The following SLC22A3 variants were observed in gnomAD, a reference collection of about 807,000 sequenced individuals.
SLC22A3 encodes the protein solute carrier family 22 member 3.
In SLC22A3, 51 loss-of-function variants were observed where a neutral mutation model predicts 59.1. The observed-to-expected ratio is 0.86, with a 90% CI of 0.69 to 1.09. SLC22A3 has a LOEUF of 1.09. Ranked by LOEUF, SLC22A3 falls within the 50% of genes least tolerant of loss-of-function variation. SLC22A3 has a pLI of 0.00. For missense variants in SLC22A3, 711 were observed against 726.3 expected (o/e 0.98, Z 0.24); for synonymous variants, 325 against 292.0 (o/e 1.11, Z -1.15).
At chr6:160,428,393 C>A (rs1788039796) in intron 5 of SLC22A3, among the ~76,000 whole-genome samples, 1 of 152,232 alleles carries the variant, frequency 6.6e-6, no homozygotes, top group Admixed American at 6.5e-5. Flanking sequence ...GGTGACCAGA[C>A]TCGCTCAGTG....
rs1294980270 is a variant in SLC22A3 at position 160,408,863 on chromosome 6, T to C, written c.799T>C (p.Trp267Arg). 6.2e-7 allele frequency: 1 copy of C among 1,613,868 alleles called. No individual in the cohort carries two copies. The highest frequency in any genetic ancestry group is 1.1e-5 in the South Asian group (1 of 91,070). Residue 267 changes from tryptophan to arginine, a missense_variant, in exon 4 of 11, where the codon TGG becomes CGG. Transcript: ENST00000275300. ...TGGAATTGCCTACTTCATCCCCAAC[T>C]GGCAAGGAATCCAGTTAGCCATCAC... ...LPGIAYFIPNWQGIQLAITLP... is the reference protein window; with the variant it reads ...LPGIAYFIPNRQGIQLAITLP...
At chr6:160,450,928 A>T in intron 10 of SLC22A3, 68 bp from the exon 11 acceptor site, 1 of 1,418,906 alleles carries the variant, frequency 7.0e-7, no homozygotes, top group South Asian at 1.2e-5. Flanking sequence ...CTATTAAATA[A>T]TAACAGAACA....
At chr6:160,381,976 A>G (rs567856959) in intron 1 of SLC22A3, among the ~76,000 whole-genome samples, 62 of 152,318 alleles carry the variant, frequency 4.1e-4, no homozygotes, top group Non-Finnish European at 6.9e-4. Flanking sequence ...AATAAAATAA[A>G]TCATTTATTT....
intron 1 of SLC22A3, among the ~76,000 whole-genome samples, chr6:160,378,992 G>A (rs970748177): frequency 1.3e-5 from 2 of 152,074 alleles, no homozygotes; most frequent in East Asian, 1.9e-4. Context: ...TTATTAAGTC[G>A]AAAATCGCCA....
intron 1 of SLC22A3, among the ~76,000 whole-genome samples, chr6:160,392,284 C>T (rs75225513): frequency 0.024 from 3,696 of 152,294 alleles, 148 homozygotes; most frequent in Middle Eastern, 0.11. Context: ...TTGATTTCTA[C>T]CTAAATCCAG....
chr6:160,420,966 C>T (rs145144599), intron 5 of SLC22A3, among the ~76,000 whole-genome samples: 35 of 152,302 alleles, frequency 2.3e-4, no homozygotes, highest in Non-Finnish European at 4.0e-4. Flanking sequence ...CCCCTTCCTC[C>T]GCAGAGCCTC....
chr6:160,372,946 C>G (rs1435402639), intron 1 of SLC22A3, among the ~76,000 whole-genome samples: 3 of 152,106 alleles, frequency 2.0e-5, no homozygotes, highest in Admixed American at 6.5e-5. Context: ...TTAGAACATG[C>G]TCCTTTAGCT....
At chr6:160,392,507 C>A (rs1212604012) in intron 1 of SLC22A3, among the ~76,000 whole-genome samples, 1 of 152,222 alleles carries the variant, frequency 6.6e-6, no homozygotes, top group Non-Finnish European at 1.5e-5. Context: ...TGTGTATATG[C>A]CTGGTATTCC....
In SLC22A3 at chr6:160,443,732, G is replaced by A. The variant is rs143468372; in HGVS notation, c.1500G>A (p.Leu500=). 4.4e-6 allele frequency: 7 copies of A among 1,605,432 alleles called. No homozygotes were observed. The highest frequency in any genetic ancestry group is 6.0e-6 in the Non-Finnish European group (7 of 1,174,684). ...RLAAVWLELP[L]IIFGILASIC... ...CAGCCGTGTGGCTAGAACTACCTCTGATCATCTTTGGTAAGAACTCATTTG... is the reference window on the plus strand; with the variant it reads ...CAGCCGTGTGGCTAGAACTACCTCTAATCATCTTTGGTAAGAACTCATTTG... The change falls in exon 9 of 11, where the codon CTG becomes CTA. Residue 500 remains leucine, a synonymous_variant. Transcript: ENST00000275300.
chr6:160,363,368 G>A (rs796936433), intron 1 of SLC22A3, among the ~76,000 whole-genome samples: 4 of 152,316 alleles, frequency 2.6e-5, no homozygotes, highest in African/African-American at 9.6e-5. Context: ...CGCCTGTGAG[G>A]CAGGAAGCTC....
At chr6:160,353,245 G>A (rs1784721007) in intron 1 of SLC22A3, among the ~76,000 whole-genome samples, 2 of 152,202 alleles carry the variant, frequency 1.3e-5, no homozygotes, top group Admixed American at 1.3e-4. Flanking sequence ...TCAGAACAAG[G>A]AAAATATTTA....
intron 1 of SLC22A3, among the ~76,000 whole-genome samples, chr6:160,385,407 C>T (rs1333445681): frequency 2.0e-5 from 3 of 152,308 alleles, no homozygotes; most frequent in Non-Finnish European, 4.4e-5. Flanking sequence ...TGGTGGGGCT[C>T]AGGGGGAGAT....
At chr6:160,421,596 T>C (rs2114883507) in intron 5 of SLC22A3, among the ~76,000 whole-genome samples, 1 of 152,284 alleles carries the variant, frequency 6.6e-6, no homozygotes, top group Middle Eastern at 3.4e-3. Flanking sequence ...GCCCCGGCAG[T>C]ATTACAAACA....
rs1014044244 is a variant in SLC22A3, at chr6:160,397,926, T to C, written c.430-53T>C. On this transcript the variant is annotated intron_variant, in intron 1 of 10. Coordinates refer to ENST00000275300, the MANE Select transcript of SLC22A3 (RefSeq NM_021977.4). ...TGATCTATACAAAAGATAAGGTGTT[T>C]TGAAGATCTGCATTCTGGCATGTCT... The C allele has an allele frequency of 1.3e-5, 18 of 1,335,704 alleles. No homozygotes were observed. The African/African-American group carries it at 2.0e-4, about 15-fold the overall frequency. 82.7% of individuals were successfully genotyped at this position (1,335,704 alleles called of 1,614,324 possible).
In SLC22A3 at chr6:160,376,386, C is replaced by T. The variant is rs187760970; in HGVS notation, c.430-21593C>T. Among the ~76,000 whole-genome samples the T allele has an allele frequency of 4.7e-3, 713 of 152,024 alleles. 3 individuals carry two copies. The highest frequency in any genetic ancestry group is 0.016 in the African/African-American group (682 of 41,490). On this transcript the variant is annotated intron_variant, in intron 1 of 10. Transcript: ENST00000275300. ...GGTGCGGAGAGGGGTGAGGGGAGGGCGAACACCAGGACAAAGAGCTAATGC... is the reference window on the plus strand; with the variant it reads ...GGTGCGGAGAGGGGTGAGGGGAGGGTGAACACCAGGACAAAGAGCTAATGC...
At chr6:160,359,496 A>G (rs936936739) in intron 1 of SLC22A3, among the ~76,000 whole-genome samples, 15 of 152,198 alleles carry the variant, frequency 9.9e-5, no homozygotes, top group Non-Finnish European at 2.1e-4. Flanking sequence ...ATAATCAATC[A>G]TACTAAATTT....
chr6:160,357,128 A>C (rs9457911), intron 1 of SLC22A3, among the ~76,000 whole-genome samples: 218 of 152,320 alleles, frequency 1.4e-3, no homozygotes, highest in African/African-American at 5.0e-3. Flanking sequence ...AAACCACTGG[A>C]TGGAGGAAGG....
chr6:160,402,001 A>G (rs1189189730), intron 2 of SLC22A3, among the ~76,000 whole-genome samples: 1 of 151,986 alleles, frequency 6.6e-6, no homozygotes, highest in Non-Finnish European at 1.5e-5. Flanking sequence ...ATAGAAGATG[A>G]TAACAAATAC....
chr6:160,448,444 T>C (rs1788828782), intron 10 of SLC22A3, among the ~76,000 whole-genome samples: 1 of 151,818 alleles, frequency 6.6e-6, no homozygotes, highest in African/African-American at 2.4e-5. Context: ...AAATAATAGA[T>C]GATAGATGAT....
Sources: gnomAD v4.1 joint callset for allele counts (sites outside exome capture counted in the v4.1 genomes callset) on GRCh38, gnomAD v4.1.1 for gene constraint, MANE v1.5 for transcripts, NCBI Gene and HGNC (gene_info 2026-07-23, HGNC 2026-07-21) for gene names.